Variants in PHF8 observed in about 807,000 individuals in gnomAD.
The protein encoded by PHF8 is histone lysine demethylase PHF8.
Under a neutral mutation model 74.4 loss-of-function variants are expected in PHF8, and 9 were observed. The observed-to-expected ratio is 0.12, with a 90% CI of 0.07 to 0.21. The LOEUF (loss-of-function observed/expected upper bound fraction) is 0.21, where lower values mean the gene tolerates loss of function less well. Ranked by LOEUF, PHF8 falls within the 10% of genes least tolerant of loss-of-function variation. PHF8 has a pLI of 1.00. For synonymous variants in PHF8, 311 were observed against 316.6 expected (o/e 0.98, Z 0.19); for missense variants, 478 against 816.6 (o/e 0.59, Z 5.05).
intron 2 of PHF8, among the ~76,000 whole-genome samples, chrX:54,034,687 G>C (rs2066419244): frequency 9.1e-6 from 1 of 110,391 alleles, no homozygotes; most frequent in South Asian, 3.8e-4. Flanking sequence ...AGCTGGGCGT[G>C]GTGGCGGGCG....
At chrX:54,048,188 CAA>C (rs10709409), upstream of PHF8, among the ~76,000 whole-genome samples, 131 of 86,723 alleles carry the variant, frequency 1.5e-3, no homozygotes, top group Admixed American at 2.1e-3. Context: ...GACTCCATCT[CAA>C]AAAAAAAAAA....
rs782411309 is a variant in PHF8, at chrX:53,987,841, C to G, written c.1834G>C (p.Asp612His). 5 of 1,207,302 alleles carry G rather than the reference C, an allele frequency of 4.1e-6. No individual in the cohort carries two copies. The East Asian group carries it at 1.5e-4, about 36-fold the overall frequency. Reference protein sequence around the residue: ...MAEQVMEDEFDLDSDDELQID... With the variant: ...MAEQVMEDEFHLDSDDELQID... Reference sequence around the variant, plus strand: ...TGCAGCTCATCATCTGAATCCAAGTCAAATTCGTCTTCCATCACCTGTTCT... The same window carrying G: ...TGCAGCTCATCATCTGAATCCAAGTGAAATTCGTCTTCCATCACCTGTTCT... Residue 612 changes from aspartate (D) to histidine (H), a missense_variant, in exon 15 of 22, where the codon GAC (aspartate) becomes CAC (histidine). Asp to His is a moderately conservative substitution (Grantham distance 81). Transcript: ENST00000338154.
intron 20 of PHF8, chrX:53,943,131 A>C (rs1227654449): frequency 1.2e-6 from 1 of 838,308 alleles, no homozygotes; most frequent in African/African-American, 2.1e-5. Flanking sequence ...GCTTTACTTA[A>C]TTTATATTTA....
chrX:53,990,427 G>T (rs1557101053), intron 14 of PHF8, among the ~76,000 whole-genome samples: 2 of 111,021 alleles, frequency 1.8e-5, no homozygotes, highest in Admixed American at 9.6e-5. Context: ...GCACAAGAAG[G>T]ACTGCTGGGG....
At chrX:53,996,914 T>C (rs1557103091) in intron 11 of PHF8, among the ~76,000 whole-genome samples, 1 of 112,324 alleles carries the variant, frequency 8.9e-6, no homozygotes, top group African/African-American at 3.2e-5. Flanking sequence ...ATTTCTTAGA[T>C]AGGACATAAG....
chrX:53,991,308 A>G (rs1348528398), intron 14 of PHF8, among the ~76,000 whole-genome samples: 1 of 112,298 alleles, frequency 8.9e-6, no homozygotes, highest in African/African-American at 3.2e-5. Context: ...ATGCTACTGA[A>G]GTGAAAATTT....
intron 11 of PHF8, among the ~76,000 whole-genome samples, chrX:53,996,422 T>C (rs1199872161): frequency 9.2e-6 from 1 of 108,171 alleles, no homozygotes; most frequent in African/African-American, 3.4e-5. Context: ...CCTATGATAT[T>C]TTTTGTAATT....
Position 53,940,363 on chromosome X carries a change from G to T in PHF8, c.2803C>A (p.Leu935Met), listed in dbSNP as rs199859877. Residue 935 changes from leucine (L) to methionine (M), a missense_variant, in exon 21 of 22, where the codon CTG becomes ATG. Leu to Met is a conservative substitution (Grantham distance 15, BLOSUM62 2). Around this residue, in one of 9 missense-constraint regions of PHF8, gnomAD observed 75 missense variants for 93.3 expected, o/e 0.80. Transcript: ENST00000338154. ...TCTTGTTTAGGCTCAGGAGGAGGCA[G>T]GGGTGAGGAGGAGGTGACAAGTTGT... is the stretch of plus-strand genomic sequence containing the variant. ...TPQLVTSSSP[L>M]PPPEPKQEAL... The T allele has an allele frequency of 8.3e-7, 1 of 1,210,101 alleles. No individual in the cohort carries two copies. Among genetic ancestry groups the T allele is most frequent in the South Asian group, 1.8e-5 (1 of 56,605 alleles).
At chrX:54,026,745 C>A (rs921978906) in intron 2 of PHF8, among the ~76,000 whole-genome samples, 34 of 110,534 alleles carry the variant, frequency 3.1e-4, no homozygotes, top group African/African-American at 1.0e-3. Flanking sequence ...TACAAGCACA[C>A]ACCACCACGC....
chrX:53,967,425 C>T (rs1179052806), intron 18 of PHF8, among the ~76,000 whole-genome samples: 7 of 106,320 alleles, frequency 6.6e-5, no homozygotes, highest in South Asian at 4.3e-4. Context: ...CGCCTCTGCC[C>T]GGCTGCCCCT....
chrX:54,006,999 A>G (rs1557105512), intron 8 of PHF8, among the ~76,000 whole-genome samples: 1 of 110,871 alleles, frequency 9.0e-6, no homozygotes, highest in Non-Finnish European at 1.9e-5. Flanking sequence ...AAAAAGTTGG[A>G]GCACTGGCAC....
chrX:54,024,695 G>C (rs931059291), intron 2 of PHF8, among the ~76,000 whole-genome samples: 3 of 111,582 alleles, frequency 2.7e-5, no homozygotes, highest in Non-Finnish European at 3.8e-5. Flanking sequence ...GACTAATGCC[G>C]GTCTGTGAAC....
At chrX:53,970,019 A>C (rs1473472104) in intron 18 of PHF8, among the ~76,000 whole-genome samples, 1 of 112,511 alleles carries the variant, frequency 8.9e-6, no homozygotes, top group African/African-American at 3.2e-5. Flanking sequence ...AAACTATGAA[A>C]CTACTACAAG....
At chrX:54,043,040 C>T in intron 1 of PHF8, 1 of 424,903 alleles carries the variant, frequency 2.4e-6, no homozygotes, top group Non-Finnish European at 3.5e-6. Flanking sequence ...CCCACACTCT[C>T]CACTCCCCAC....
At chrX:54,021,338 C>T (rs2066166206) in intron 4 of PHF8, among the ~76,000 whole-genome samples, 2 of 109,600 alleles carry the variant, frequency 1.8e-5, no homozygotes. Flanking sequence ...CTACTGGGTA[C>T]TATGTTCACT....
At position 53,970,167 on chromosome X, in the gene PHF8, A is replaced by C. The variant is rs920459843; in HGVS notation, c.2444-7228T>G. Among the ~76,000 whole-genome samples, 5 of 112,259 alleles carry C rather than the reference A, an allele frequency of 4.5e-5. No homozygotes were observed. In the East Asian group the frequency reaches 1.4e-3, roughly 31 times the overall value. On this transcript the variant is annotated intron_variant, in intron 18 of 21. Transcript: ENST00000338154. ...CCAAAAAGCTTCTGTACAGCAAAGGAAACAATCAACAAAGTGCAGAGACAA... is the reference window on the plus strand; with the variant it reads ...CCAAAAAGCTTCTGTACAGCAAAGGCAACAATCAACAAAGTGCAGAGACAA...
At chrX:54,029,665 G>A (rs949592327) in intron 2 of PHF8, among the ~76,000 whole-genome samples, 3 of 111,702 alleles carry the variant, frequency 2.7e-5, no homozygotes, top group East Asian at 2.8e-4. Context: ...CGGTGACTTA[G>A]TACACAGGGT....
At chrX:54,029,513 GA>G (rs1321028862) in intron 2 of PHF8, among the ~76,000 whole-genome samples, 1 of 112,400 alleles carries the variant, frequency 8.9e-6, no homozygotes, top group Admixed American at 9.4e-5. Flanking sequence ...TCAAAAAATA[GA>G]AAAGCTTTTT....
chrX:53,993,547 C>A, intron 13 of PHF8, 54 bp downstream of exon 13: 1 of 1,074,515 alleles, frequency 9.3e-7, no homozygotes. Flanking sequence ...TGAAACCCTG[C>A]TCTTCCAAGG....
Sources: gnomAD v4.1 joint callset for allele counts (sites outside exome capture counted in the v4.1 genomes callset) on GRCh38, gnomAD v4.1.1 for gene constraint, gnomAD v4.1.1 regional missense constraint, MANE v1.5 for transcripts, NCBI Gene and HGNC (gene_info 2026-07-23, HGNC 2026-07-21) for gene names.